Variants in PLEKHM3 observed in about 807,000 individuals in gnomAD.
PLEKHM3 encodes pleckstrin homology domain-containing family M member 3.
In PLEKHM3, 45 loss-of-function variants were observed where a neutral mutation model predicts 81.8. The ratio of observed to expected loss-of-function variants is 0.55; its 90% CI spans 0.43 to 0.71. The LOEUF (loss-of-function observed/expected upper bound fraction) is 0.71, where lower values mean the gene tolerates loss of function less well. Among genes scored for constraint, PLEKHM3 ranks in the 30% least tolerant of loss-of-function variants. PLEKHM3 has a pLI of 0.00. For synonymous variants in PLEKHM3, 352 were observed against 356.4 expected, an observed-to-expected ratio of 0.99 and a Z score of 0.14; for missense variants, 788 against 924.3, an observed-to-expected ratio of 0.85 and a Z score of 1.91.
chr2:207,837,553 T>C (rs2105885405), intron 7 of PLEKHM3, among the ~76,000 whole-genome samples: 1 of 150,718 alleles, frequency 6.6e-6, no homozygotes, highest in African/African-American at 2.4e-5. Flanking sequence ...TGAGCTGAGA[T>C]CGCACCACTG....
At chr2:207,927,216 C>T (rs1182153435) in intron 5 of PLEKHM3, among the ~76,000 whole-genome samples, 7 of 152,124 alleles carry the variant, frequency 4.6e-5, no homozygotes, top group Admixed American at 1.3e-4. Flanking sequence ...CTTTAGATGT[C>T]GTATCCTCAG....
chr2:207,976,248 AG>A lies in PLEKHM3; in HGVS notation c.1546+402del, dbSNP rs1169180659. 1.3e-5 allele frequency among the ~76,000 whole-genome samples: 2 copies of A among 152,232 alleles called. No homozygotes were observed. Among genetic ancestry groups the A allele is most frequent in the Non-Finnish European group, 2.9e-5 (2 of 68,040 alleles). On this transcript the variant is annotated intron_variant, in intron 3 of 7. Coordinates refer to ENST00000427836, the MANE Select transcript of PLEKHM3 (RefSeq NM_001080475.3). This position sits in a 1 kb window ranked among gnomAD's most constrained non-coding sequence, Gnocchi z 4.1. ...CCATTTTCCTTGCCTAAGGAGTTTTAGTAGTCAGCTTTGGACTTGAATGTTT... is the reference window on the plus strand; with the variant it reads ...CCATTTTCCTTGCCTAAGGAGTTTTATAGTCAGCTTTGGACTTGAATGTTT...
chr2:207,934,786 CATT>C (rs758125686), intron 4 of PLEKHM3, among the ~76,000 whole-genome samples: 9 of 152,206 alleles, frequency 5.9e-5, no homozygotes, highest in Non-Finnish European at 1.3e-4. Flanking sequence ...TTGATTTGAA[CATT>C]ATTAAGTGTC....
chr2:208,013,498 A>T (rs1487877457), intron 1 of PLEKHM3, among the ~76,000 whole-genome samples: 2 of 152,084 alleles, frequency 1.3e-5, no homozygotes, highest in Non-Finnish European at 1.5e-5. Context: ...CCTGGGCAAC[A>T]GAGCAAGACT....
intron 6 of PLEKHM3, among the ~76,000 whole-genome samples, chr2:207,875,582 A>G (rs1313676136): frequency 1.3e-5 from 2 of 152,228 alleles, no homozygotes; most frequent in African/African-American, 4.8e-5. Flanking sequence ...TATTCACACA[A>G]GTGTACAGGG....
chr2:207,938,472 G>A (rs371129079), intron 4 of PLEKHM3, among the ~76,000 whole-genome samples: 8 of 152,280 alleles, frequency 5.3e-5, no homozygotes, highest in African/African-American at 2.4e-5. Flanking sequence ...AGCCAGTCAC[G>A]TACTTGCTAT....
chr2:207,872,014 T>C (rs1479433463), intron 6 of PLEKHM3, among the ~76,000 whole-genome samples: 1 of 152,224 alleles, frequency 6.6e-6, no homozygotes, highest in Non-Finnish European at 1.5e-5. Flanking sequence ...AGCAGACTTT[T>C]TAACTCACCT....
rs535885512 is a variant in PLEKHM3 at position 207,841,974 on chromosome 2, G to A, written c.2109-13478C>T. On this transcript the variant is annotated intron_variant, in intron 7 of 7. Coordinates refer to ENST00000427836, the MANE Select transcript of PLEKHM3 (RefSeq NM_001080475.3). ...TATTTTTGAGACGGAGTCTCTCTCT[G>A]TCACCCAGGCTGGAGTCCAGTGGTG... Among the ~76,000 whole-genome samples, 3 of 152,290 alleles carry A rather than the reference G, an allele frequency of 2.0e-5. No homozygotes were observed. In the East Asian group the frequency reaches 5.8e-4, roughly 29 times the overall value.
intron 7 of PLEKHM3, among the ~76,000 whole-genome samples, chr2:207,832,584 G>A (rs774482837): frequency 9.2e-5 from 14 of 151,896 alleles, no homozygotes; most frequent in Non-Finnish European, 1.3e-4. Context: ...CTGAGGTCAG[G>A]AGTTCGAGAC....
chr2:207,943,676 G>A (rs1046527438), intron 4 of PLEKHM3, among the ~76,000 whole-genome samples: 9 of 151,824 alleles, frequency 5.9e-5, no homozygotes, highest in Non-Finnish European at 8.8e-5. Context: ...AGACCATCCC[G>A]GCTAGAACGG....
intron 6 of PLEKHM3, among the ~76,000 whole-genome samples, chr2:207,886,715 A>C (rs1687896601): frequency 6.6e-6 from 1 of 152,234 alleles, no homozygotes. Flanking sequence ...AAGGACAGAA[A>C]GAGAATTGAA....
intron 5 of PLEKHM3, among the ~76,000 whole-genome samples, chr2:207,925,497 A>G (rs1464722715): frequency 6.6e-6 from 1 of 152,202 alleles, no homozygotes; most frequent in East Asian, 1.9e-4. Flanking sequence ...TGGGCATTAA[A>G]TCCCTGAATC....
rs562859542 is a variant in PLEKHM3 at position 207,834,948 on chromosome 2, T to G, written c.2109-6452A>C. Among the ~76,000 whole-genome samples, 85 of 152,170 alleles carry G rather than the reference T, an allele frequency of 5.6e-4. 2 individuals carry two copies. The South Asian group carries it at 0.017, about 31-fold the overall frequency. On this transcript the variant is annotated intron_variant, in intron 7 of 7. Transcript: ENST00000427836. ...CAGTTAGGTTTCAACAACTTGTTTT[T>G]TTTTTTTTTGAGACGGAGTTTCACT...
intron 7 of PLEKHM3, among the ~76,000 whole-genome samples, chr2:207,838,675 A>G (rs2092333485): frequency 2.0e-5 from 3 of 152,172 alleles, no homozygotes; most frequent in Admixed American, 2.0e-4. Flanking sequence ...GATATTTCTG[A>G]TGCTTCTAAG....
chr2:207,966,813 A>G (rs1690929353), intron 3 of PLEKHM3, among the ~76,000 whole-genome samples: 1 of 152,078 alleles, frequency 6.6e-6, no homozygotes, highest in African/African-American at 2.4e-5. Context: ...TCGGCCTCCC[A>G]AAGTGCTGGG....
At chr2:207,925,501 C>G (rs747253705) in intron 5 of PLEKHM3, among the ~76,000 whole-genome samples, 3 of 152,108 alleles carry the variant, frequency 2.0e-5, no homozygotes, top group Non-Finnish European at 4.4e-5. Context: ...CATTAAATCC[C>G]TGAATCCTCG....
chr2:207,943,370 T>C (rs1291900990), intron 4 of PLEKHM3, among the ~76,000 whole-genome samples: 1 of 152,140 alleles, frequency 6.6e-6, no homozygotes, highest in Non-Finnish European at 1.5e-5. Flanking sequence ...GCACAGAAGG[T>C]ACATTCAAGG....
At chr2:207,947,037 T>C (rs968973869) in intron 3 of PLEKHM3, among the ~76,000 whole-genome samples, 1 of 152,346 alleles carries the variant, frequency 6.6e-6, no homozygotes, top group South Asian at 2.1e-4. Flanking sequence ...CTAAATTGGA[T>C]GCTAAAATAA....
intron 7 of PLEKHM3, among the ~76,000 whole-genome samples, chr2:207,849,321 G>A (rs963983180): frequency 6.6e-6 from 1 of 151,880 alleles, no homozygotes; most frequent in Non-Finnish European, 1.5e-5. Context: ...GCCACAGAGC[G>A]AGACTGTCTC....
Sources: allele counts gnomAD v4.1 joint callset (sites outside exome capture counted in the v4.1 genomes callset), GRCh38; gene constraint gnomAD v4.1.1; non-coding constraint Gnocchi (gnomAD v3.1); transcripts MANE v1.5; gene names NCBI Gene and HGNC (gene_info 2026-07-23, HGNC 2026-07-21).